Variants in KLHL32 observed in about 807,000 individuals in gnomAD.
KLHL32 encodes kelch like family member 32, also known as kelch-like protein 32.
A neutral mutation model predicts 64.8 loss-of-function variants in KLHL32; 35 were observed. The ratio of observed to expected loss-of-function variants is 0.54; its 90% confidence interval spans 0.41 to 0.72. The LOEUF is 0.72. KLHL32 is among the 30% of genes least tolerant of loss of function. The pLI, the probability that KLHL32 is intolerant of heterozygous loss-of-function variation, is 0.00. For synonymous variants in KLHL32, 259 were observed against 281.0 expected, an observed-to-expected ratio of 0.92 and a Z score of 0.78; for missense variants, 589 against 768.5, an observed-to-expected ratio of 0.77 and a Z score of 2.76.
At chr6:96,977,634 G>A (rs1775854219) in intron 3 of KLHL32, among the ~76,000 whole-genome samples, 1 of 152,066 alleles carries the variant, frequency 6.6e-6, no homozygotes, top group African/African-American at 2.4e-5. Flanking sequence ...AGGCCCATGA[G>A]CAATTTGTTG....
intron 3 of KLHL32, among the ~76,000 whole-genome samples, chr6:97,030,233 T>C (rs1419344816): frequency 1.3e-5 from 2 of 152,230 alleles, no homozygotes; most frequent in African/African-American, 2.4e-5. Context: ...ATTTTACTTA[T>C]CTATGAAGAT....
At chr6:97,038,600 G>A (rs1232327972) in intron 3 of KLHL32, among the ~76,000 whole-genome samples, 1 of 152,076 alleles carries the variant, frequency 6.6e-6, no homozygotes, top group Non-Finnish European at 1.5e-5. Flanking sequence ...GAATGGTATG[G>A]AGGTTCCTCA....
At chr6:96,939,759 A>G (rs59455750) in intron 1 of KLHL32, among the ~76,000 whole-genome samples, 3,432 of 152,234 alleles carry the variant, frequency 0.023, 85 homozygotes, top group African/African-American at 0.064. Context: ...AATGCCGAGA[A>G]GCCATTGAGG....
intron 3 of KLHL32, among the ~76,000 whole-genome samples, chr6:97,016,785 G>A (rs1195466980): frequency 6.6e-6 from 1 of 152,130 alleles, no homozygotes; most frequent in Non-Finnish European, 1.5e-5. Flanking sequence ...CCATAATCCT[G>A]GGAGGGACCT....
chr6:96,988,940 A>T (rs1465489370), intron 3 of KLHL32, among the ~76,000 whole-genome samples: 1 of 150,294 alleles, frequency 6.7e-6, no homozygotes, highest in Non-Finnish European at 1.5e-5. Context: ...AACATCACAC[A>T]CTGGGGCCTG....
intron 1 of KLHL32, among the ~76,000 whole-genome samples, chr6:96,949,980 G>T (rs1772376210): frequency 6.6e-6 from 1 of 151,904 alleles, no homozygotes; most frequent in Admixed American, 6.6e-5. Context: ...GCCTTATCTT[G>T]CTGTTCAGTT....
At chr6:96,975,227 G>A (rs1562206072) in intron 2 of KLHL32, among the ~76,000 whole-genome samples, 1 of 152,196 alleles carries the variant, frequency 6.6e-6, no homozygotes, top group African/African-American at 2.4e-5. Flanking sequence ...GTTTCACAAT[G>A]TGTGAGGTTA....
rs924233519 is a variant in KLHL32, at chr6:97,022,366, A to G, written c.205-19126A>G. Among the ~76,000 whole-genome samples the G allele has an allele frequency of 1.3e-4, 19 of 150,602 alleles. 4 individuals are homozygous for G. The highest frequency in any genetic ancestry group is 4.5e-4 in the African/African-American group (18 of 39,996). ...TTTCCTCTGCCTGGATTACTCCTCT[A>G]GATAGCTACATGACTTCCTTCCTTG... On this transcript the variant is annotated intron_variant, in intron 3 of 10. Transcript: ENST00000369261.
At chr6:96,939,755 G>A (rs564398038) in intron 1 of KLHL32, among the ~76,000 whole-genome samples, 12 of 152,218 alleles carry the variant, frequency 7.9e-5, no homozygotes, top group East Asian at 1.9e-4. Context: ...CAGAAATGCC[G>A]AGAAGCCATT....
intron 2 of KLHL32, among the ~76,000 whole-genome samples, chr6:96,973,611 TTCATGTA>T (rs1406183230): frequency 1.3e-5 from 2 of 152,144 alleles, no homozygotes; most frequent in African/African-American, 4.8e-5. Flanking sequence ...TGTTGTTCTG[TTCATGTA>T]TATTATTCTA....
chr6:96,979,480 C>A (rs922325080), intron 3 of KLHL32, among the ~76,000 whole-genome samples: 1 of 152,154 alleles, frequency 6.6e-6, no homozygotes, highest in Non-Finnish European at 1.5e-5. Flanking sequence ...GCTCTCTATT[C>A]TGTTCCATTT....
intron 3 of KLHL32, among the ~76,000 whole-genome samples, chr6:97,001,984 A>G (rs1779093106): frequency 6.6e-6 from 1 of 152,210 alleles, no homozygotes. Flanking sequence ...GAATAGATAG[A>G]TAGATAGATA....
Position 97,021,098 on chromosome 6 carries a change from T to C in KLHL32, c.205-20394T>C, listed in dbSNP as rs555475121. On this transcript the variant is annotated intron_variant, in intron 3 of 10. Coordinates refer to ENST00000369261, the MANE Select transcript of KLHL32 (RefSeq NM_052904.4). ...TATTATAAGGAGTTGGCTCATACGATTATGGAGGCTGACAAGTCCCAAGAT... is the reference window on the plus strand; with the variant it reads ...TATTATAAGGAGTTGGCTCATACGACTATGGAGGCTGACAAGTCCCAAGAT... Among the ~76,000 whole-genome samples, 125 of 151,024 alleles carry C rather than the reference T, an allele frequency of 8.3e-4. 8 individuals are homozygous for C. The highest frequency in any genetic ancestry group is 3.1e-3 in the African/African-American group (124 of 40,358).
chr6:97,041,432 T>C, intron 3 of KLHL32, 60 bp from the exon 4 acceptor site: 1 of 1,096,766 alleles, frequency 9.1e-7, no homozygotes, highest in Non-Finnish European at 1.4e-6. Flanking sequence ...CTCTAGAATT[T>C]TGTCTTGCTC....
intron 10 of KLHL32, 39 bp downstream of exon 10, chr6:97,132,786 G>A (rs757551203): frequency 2.1e-6 from 3 of 1,395,920 alleles, no homozygotes; most frequent in South Asian, 1.2e-5. Context: ...TGTTCAAGTG[G>A]TTCAGCGAGG....
intron 4 of KLHL32, among the ~76,000 whole-genome samples, chr6:97,059,119 G>A (rs1788468548): frequency 6.6e-6 from 1 of 152,168 alleles, no homozygotes; most frequent in South Asian, 2.1e-4. Flanking sequence ...TTCACCAGAT[G>A]TCTGTGGAGA....
chr6:96,898,603 A>G, the KLHL32 span, among the ~76,000 whole-genome samples: 1 of 152,058 alleles, frequency 6.6e-6, no homozygotes, highest in Admixed American at 6.5e-5. Context: ...ATGCTGAGTC[A>G]TTCCCTCTCC....
At chr6:97,085,753 A>G (rs1489035654) in intron 6 of KLHL32, among the ~76,000 whole-genome samples, 4 of 152,262 alleles carry the variant, frequency 2.6e-5, no homozygotes, top group Non-Finnish European at 5.9e-5. Context: ...TAAACAATTC[A>G]GAAACATTTC....
intron 1 of KLHL32, among the ~76,000 whole-genome samples, chr6:96,932,256 GT>G (rs68171946): frequency 0.64 from 90,306 of 141,554 alleles, 29,610 homozygotes; most frequent in African/African-American, 0.84. Flanking sequence ...TGGAATCAAT[GT>G]TTTTTTTTTC....
Sources: allele counts gnomAD v4.1 joint callset (sites outside exome capture counted in the v4.1 genomes callset), GRCh38; gene constraint gnomAD v4.1.1; transcripts MANE v1.5; gene names NCBI Gene and HGNC (gene_info 2026-07-23, HGNC 2026-07-21).